TMEM267: variants seen among roughly 807,000 people sequenced by gnomAD.
TMEM267 encodes transmembrane protein C5orf28.
TMEM267 carries 20 observed loss-of-function variants against 19.3 expected under a neutral mutation model. That is an observed-to-expected ratio of 1.04 (90% CI 0.73 to 1.51). TMEM267 has a LOEUF of 1.51. Ranked by LOEUF, TMEM267 falls within the 40% of genes most tolerant of loss-of-function variation. TMEM267 has a pLI of 0.00. For synonymous variants in TMEM267, 88 were observed against 90.3 expected (o/e 0.97, Z 0.15); for missense variants, 242 against 261.9 (o/e 0.92, Z 0.52).
intron 2 of TMEM267, among the ~76,000 whole-genome samples, chr5:43,448,866 C>T (rs760027321): frequency 6.8e-6 from 1 of 147,946 alleles, no homozygotes; most frequent in Non-Finnish European, 1.5e-5. Context: ...TTTTAAACTA[C>T]ATAAAACATA....
At chr5:43,448,548 G>A (rs1742386008) in intron 2 of TMEM267, among the ~76,000 whole-genome samples, 1 of 152,118 alleles carries the variant, frequency 6.6e-6, no homozygotes, top group Non-Finnish European at 1.5e-5. Flanking sequence ...AGGCTGAGGC[G>A]GGCTGATCAC....
chr5:43,481,836 T>C (rs933145602), intron 1 of TMEM267, among the ~76,000 whole-genome samples: 2 of 152,046 alleles, frequency 1.3e-5, no homozygotes, highest in African/African-American at 2.4e-5. Flanking sequence ...TTGTCTACTG[T>C]TTTTTGTTTG....
chr5:43,478,415 A>G (rs1401289091), intron 1 of TMEM267, among the ~76,000 whole-genome samples: 1 of 152,212 alleles, frequency 6.6e-6, no homozygotes. Context: ...TGGGATACTT[A>G]TATGAATTTG....
At chr5:43,455,087 A>T (rs1302339046) in intron 1 of TMEM267, among the ~76,000 whole-genome samples, 1 of 152,218 alleles carries the variant, frequency 6.6e-6, no homozygotes, top group Non-Finnish European at 1.5e-5. Context: ...ACAGAAACTA[A>T]GTTGGAGGAC....
chr5:43,448,786 C>CA (rs1742404566), intron 2 of TMEM267, among the ~76,000 whole-genome samples: 1 of 147,708 alleles, frequency 6.8e-6, no homozygotes, highest in African/African-American at 2.6e-5. Flanking sequence ...AAAAAACAAC[C>CA]CCCCCCCACA....
intron 1 of TMEM267, among the ~76,000 whole-genome samples, chr5:43,464,428 C>T (rs909560175): frequency 1.2e-4 from 19 of 152,356 alleles, no homozygotes; most frequent in African/African-American, 3.4e-4. Context: ...TTACCAATGA[C>T]TTTCTTCACA....
chr5:43,479,482 T>C (rs1206121273), intron 1 of TMEM267, among the ~76,000 whole-genome samples: 1 of 132,294 alleles, frequency 7.6e-6, no homozygotes, highest in Non-Finnish European at 1.6e-5. Flanking sequence ...CTCTTAAAAG[T>C]GTAATTTTAA....
intron 1 of TMEM267, among the ~76,000 whole-genome samples, chr5:43,476,870 T>C (rs1744457630): frequency 6.6e-6 from 1 of 151,074 alleles, no homozygotes; most frequent in Non-Finnish European, 1.5e-5. Context: ...GCAAAAACAG[T>C]TTTGTATAAG....
chr5:43,455,399 G>C (rs971442442), intron 1 of TMEM267, among the ~76,000 whole-genome samples: 1 of 151,552 alleles, frequency 6.6e-6, no homozygotes, highest in South Asian at 2.1e-4. Context: ...TGCCAGCCTG[G>C]GCAACACAGA....
chr5:43,451,339 A>C (rs1282079021), intron 2 of TMEM267, among the ~76,000 whole-genome samples: 1 of 152,174 alleles, frequency 6.6e-6, no homozygotes, highest in Non-Finnish European at 1.5e-5. Context: ...GGATGGGAGA[A>C]AGTAGGGTTC....
At chr5:43,482,064 CGATCTCCT>C (rs1744816059) in intron 1 of TMEM267, among the ~76,000 whole-genome samples, 1 of 152,142 alleles carries the variant, frequency 6.6e-6, no homozygotes, top group African/African-American at 2.4e-5. Context: ...AGGATGGTCT[CGATCTCCT>C]GATCTCGTGA....
At chr5:43,470,211 C>T (rs151068793) in intron 1 of TMEM267, among the ~76,000 whole-genome samples, 1,849 of 152,228 alleles carry the variant, frequency 0.012, 39 homozygotes, top group African/African-American at 0.043. Context: ...GGTGCAATCT[C>T]AGCTCATTGC....
In TMEM267 at chr5:43,453,793, T is replaced by C. The variant is rs1742758137; in HGVS notation, c.177A>G (p.Val59=). 1.2e-6 allele frequency: 2 copies of C among 1,614,028 alleles called. No individual in the cohort carries two copies. Among genetic ancestry groups the C allele is most frequent in the African/African-American group, 1.3e-5 (1 of 74,926 alleles). ...CTACCGCCCATGACCACATGCCAAT[T>C]ACACAATGTACTGCATTATCTGAGA... ...RALSDNAVHC[V]IGMWSWAVVT... is the part of the protein sequence containing the mutation. The change falls in exon 2 of 3, where the codon GTA becomes GTG. Residue 59 remains valine, a synonymous_variant. Transcript: ENST00000397080.
At chr5:43,464,008 T>A (rs1039975664) in intron 1 of TMEM267, among the ~76,000 whole-genome samples, 6 of 152,186 alleles carry the variant, frequency 3.9e-5, no homozygotes, top group Non-Finnish European at 5.9e-5. Flanking sequence ...AAAGAGGAAG[T>A]CAAATTGTTC....
At chr5:43,456,753 T>C (rs954671985) in intron 1 of TMEM267, among the ~76,000 whole-genome samples, 1 of 152,206 alleles carries the variant, frequency 6.6e-6, no homozygotes, top group African/African-American at 2.4e-5. Context: ...ATCCCAGATG[T>C]TGACAAAGAT....
intron 1 of TMEM267, among the ~76,000 whole-genome samples, chr5:43,466,744 A>G (rs2112136568): frequency 6.6e-6 from 1 of 152,312 alleles, no homozygotes; most frequent in South Asian, 2.1e-4. Context: ...CAAACCTCAT[A>G]ATAACCTCAA....
chr5:43,453,267 G>A (rs1320616648), intron 2 of TMEM267, among the ~76,000 whole-genome samples: 1 of 152,194 alleles, frequency 6.6e-6, no homozygotes, highest in East Asian at 1.9e-4. Flanking sequence ...GAATAAGGGG[G>A]AAATGTTAAG....
chr5:43,448,013 G>A (rs1400263406), intron 2 of TMEM267, among the ~76,000 whole-genome samples: 1 of 152,136 alleles, frequency 6.6e-6, no homozygotes, highest in Non-Finnish European at 1.5e-5. Flanking sequence ...AGGAAGAAAT[G>A]TAGTTTCCTG....
intron 1 of TMEM267, among the ~76,000 whole-genome samples, chr5:43,470,110 G>A (rs182496523): frequency 3.3e-5 from 5 of 152,036 alleles, no homozygotes; most frequent in East Asian, 1.9e-4. Context: ...GAGTTGTCCC[G>A]CCTTTCCAGA....
Sources: gnomAD v4.1 joint callset for allele counts (sites outside exome capture counted in the v4.1 genomes callset) on GRCh38, gnomAD v4.1.1 for gene constraint, MANE v1.5 for transcripts, NCBI Gene and HGNC (gene_info 2026-07-23, HGNC 2026-07-21) for gene names.